The following ZNF787 variants were observed in gnomAD, a reference collection of about 807,000 sequenced individuals.
The protein encoded by ZNF787 is TTF-I-interacting peptide 20.
A neutral mutation model predicts 16.9 loss-of-function variants in ZNF787; 7 were observed. The observed-to-expected ratio is 0.42, with a 90% confidence interval of 0.24 to 0.78. The LOEUF is 0.78. ZNF787 is among the 30% of genes least tolerant of loss of function. The probability of loss-of-function intolerance (pLI) is 0.30; values close to 1 mark genes in which losing one functional copy is unlikely to be tolerated. For missense variants in ZNF787, 551 were observed against 589.3 expected, an observed-to-expected ratio of 0.94 and a Z score of 0.67; for synonymous variants, 345 against 270.9, an observed-to-expected ratio of 1.27 and a Z score of -2.69.
chr19:56,110,089 C>T (rs181618817), intron 1 of ZNF787, among the ~76,000 whole-genome samples: 2 of 152,166 alleles, frequency 1.3e-5, no homozygotes, highest in Non-Finnish European at 2.9e-5. Context: ...TGGCCGGGCA[C>T]GGTGGCTCAC....
rs1299608786 is a variant in ZNF787, at chr19:56,087,604, C to CCTGGTT, written c.*413_*418dup. 1.3e-5 allele frequency: 2 copies of CCTGGTT among 159,768 alleles called. No individual in the cohort carries two copies. The highest frequency in any genetic ancestry group is 2.7e-5 in the Non-Finnish European group (2 of 73,402). 9.9% of individuals were successfully genotyped at this position (159,768 alleles called of 1,614,324 possible). A position where few individuals can be genotyped will look rare whatever the true frequency, so the allele number is the denominator to read the frequency against. On this transcript the variant is annotated 3_prime_UTR_variant, in exon 3 of 3. Coordinates refer to ENST00000610935, the MANE Select transcript of ZNF787 (RefSeq NM_001002836.4). ...GAAAATTCTAAAAGAGAAAAGGGCC[C>CCTGGTT]CTGGTTCTCTTCCCTCTCTGGGATC...
chr19:56,091,947 C>CGAAACCG (rs57458138), intron 2 of ZNF787, among the ~76,000 whole-genome samples: 99,359 of 148,968 alleles, frequency 0.67, 37,266 homozygotes, highest in South Asian at 0.87. Context: ...AAGCCAAAGC[C>CGAAACCG]AAAGCCGAAA....
chr19:56,113,343 A>G (rs578990), intron 1 of ZNF787, among the ~76,000 whole-genome samples: 138,493 of 152,224 alleles, frequency 0.91, 63,724 homozygotes, highest in Non-Finnish European at 0.99. Flanking sequence ...CAGAACTCCC[A>G]TAAGAACCCG....
intron 2 of ZNF787, among the ~76,000 whole-genome samples, chr19:56,093,299 T>C (rs992307991): frequency 4.6e-5 from 7 of 151,492 alleles, no homozygotes; most frequent in South Asian, 2.1e-4. Flanking sequence ...GGATATTCCA[T>C]AGACACAGGG....
rs563388399 is a variant in ZNF787, at chr19:56,089,341, A to G, written c.80-249T>C. On this transcript the variant is annotated intron_variant, in intron 2 of 2. Transcript: ENST00000610935. Reference sequence around the variant, plus strand: ...ACCTCTAGAACAATGCCCCAGACACAGAAGGCCTGGTCTGTAAACAACCAG... The same window carrying G: ...ACCTCTAGAACAATGCCCCAGACACGGAAGGCCTGGTCTGTAAACAACCAG... Among the ~76,000 whole-genome samples the G allele has an allele frequency of 3.9e-5, 6 of 152,272 alleles. No individual in the cohort carries two copies. In the East Asian group the frequency reaches 1.2e-3, roughly 29 times the overall value.
At chr19:56,108,294 GAACTCC>G in intron 1 of ZNF787, among the ~76,000 whole-genome samples, 1 of 102,888 alleles carries the variant, frequency 9.7e-6, no homozygotes, top group African/African-American at 4.0e-5. Flanking sequence ...CCCCTGCCCA[GAACTCC>G]CAGCTCCCAC....
intron 2 of ZNF787, among the ~76,000 whole-genome samples, chr19:56,093,220 G>A (rs115316694): frequency 0.016 from 2,492 of 151,112 alleles, 66 homozygotes; most frequent in African/African-American, 0.057. Flanking sequence ...TGGCAGAAGT[G>A]GGATATTCCA....
intron 1 of ZNF787, among the ~76,000 whole-genome samples, chr19:56,113,898 C>T (rs965643377): frequency 2.6e-5 from 4 of 152,158 alleles, no homozygotes; most frequent in Admixed American, 6.5e-5. Flanking sequence ...CGCACCATCT[C>T]GGCTCACTGC....
intron 1 of ZNF787, among the ~76,000 whole-genome samples, chr19:56,106,136 G>A (rs923089212): frequency 6.6e-6 from 1 of 151,210 alleles, no homozygotes; most frequent in African/African-American, 2.4e-5. Context: ...CCCCCGCCGC[G>A]CCCTGCAGCC....
chr19:56,091,379 A>T (rs1985567957), intron 2 of ZNF787, among the ~76,000 whole-genome samples: 1 of 152,224 alleles, frequency 6.6e-6, no homozygotes, highest in African/African-American at 2.4e-5. Flanking sequence ...TCTGAACACA[A>T]AACTTGTGAC....
rs1168354085 is a variant in ZNF787, at chr19:56,088,015, C to G, written c.*8G>C. 9 of 1,204,318 alleles carry G rather than the reference C, an allele frequency of 7.5e-6. No homozygotes were observed. The highest frequency in any genetic ancestry group is 7.6e-5 in the East Asian group (2 of 26,382). The allele number at this position is 1,204,318 out of a possible 1,614,324, so 74.6% of individuals were successfully genotyped here. On this transcript the variant is annotated 3_prime_UTR_variant, in exon 3 of 3. Coordinates refer to ENST00000610935, the MANE Select transcript of ZNF787 (RefSeq NM_001002836.4). This position sits in a 1 kb window ranked among gnomAD's most constrained non-coding sequence, Gnocchi z 8.6. ...GGCCCTGCCCGCCCCCCCCCCCGGGCCCCTCCCCTACCGGCCCTCCCCACC... is the reference window on the plus strand; with the variant it reads ...GGCCCTGCCCGCCCCCCCCCCCGGGGCCCTCCCCTACCGGCCCTCCCCACC...
chr19:56,120,829 G>A (rs1488039704), intron 1 of ZNF787, among the ~76,000 whole-genome samples: 5 of 143,704 alleles, frequency 3.5e-5, no homozygotes, highest in Admixed American at 6.9e-5. Flanking sequence ...GCCCGCAGCA[G>A]AGGGACCCCC....
At chr19:56,101,257 C>T (rs1388750027) in intron 2 of ZNF787, among the ~76,000 whole-genome samples, 4 of 152,282 alleles carry the variant, frequency 2.6e-5, no homozygotes, top group African/African-American at 7.2e-5. Context: ...ACGGGAGTTA[C>T]GCGAACGCCG....
chr19:56,107,488 CGGGAGACACGGGGTCACT>C (rs59423271), intron 1 of ZNF787, among the ~76,000 whole-genome samples: 9,301 of 151,578 alleles, frequency 0.061, 621 homozygotes, highest in African/African-American at 0.17. Flanking sequence ...ACGGGGTCAC[CGGGAGACACGGGGTCACT>C]GTGAGACAAT....
intron 1 of ZNF787, among the ~76,000 whole-genome samples, chr19:56,109,025 G>GA (rs2029904070): frequency 6.6e-6 from 1 of 152,122 alleles, no homozygotes; most frequent in African/African-American, 2.4e-5. Context: ...GAGGTGGGTG[G>GA]AGTCACCCCT....
intron 1 of ZNF787, among the ~76,000 whole-genome samples, chr19:56,104,780 G>A (rs983512190): frequency 6.6e-6 from 1 of 152,268 alleles, no homozygotes; most frequent in Non-Finnish European, 1.5e-5. Context: ...GGAGAGCAGA[G>A]CCTTTGCCAC....
chr19:56,087,519 A>C lies in ZNF787; in HGVS notation c.*504T>G, dbSNP rs1019131311. ...CTCGAGCTCTAAGGATGGGACCCGG[A>C]AGGCAGAAAAAAATAATGGATTGGG... On this transcript the variant is annotated 3_prime_UTR_variant, in exon 3 of 3. Transcript: ENST00000610935. 8 of 152,260 alleles carry C rather than the reference A, an allele frequency of 5.3e-5. No homozygotes were observed. The highest frequency in any genetic ancestry group is 2.0e-4 in the Admixed American group (3 of 15,282). 9.4% of individuals were successfully genotyped at this position (152,260 alleles called of 1,614,324 possible). A position where few individuals can be genotyped will look rare whatever the true frequency, so the allele number is the denominator to read the frequency against.
intron 1 of ZNF787, among the ~76,000 whole-genome samples, chr19:56,112,041 G>A (rs1265617241): frequency 6.6e-6 from 1 of 152,132 alleles, no homozygotes; most frequent in Non-Finnish European, 1.5e-5. Context: ...GCTGAAGCCT[G>A]TGTCCTAATC....
chr19:56,103,189 G>A lies in ZNF787; in HGVS notation c.29C>T (p.Pro10Leu), dbSNP rs1368783177. 4.4e-6 allele frequency: 7 copies of A among 1,574,260 alleles called. No individual in the cohort carries two copies. The highest frequency in any genetic ancestry group is 1.2e-5 in the South Asian group (1 of 84,892). ...CTGGTCCTCAGAATCCAGCGGCCCC[G>A]GAGACCAGGCTTCTTCCCGCAGCTC... MELREEAWS[P>L]GPLDSEDQQM... Residue 10 changes from proline to leucine, a missense_variant, in exon 2 of 3, where the codon CCG becomes CTG. By Grantham distance (98) the Pro-to-Leu change is moderately conservative (BLOSUM62 -3). Coordinates refer to ENST00000610935, the MANE Select transcript of ZNF787 (RefSeq NM_001002836.4).
Sources: allele counts gnomAD v4.1 joint callset (sites outside exome capture counted in the v4.1 genomes callset), GRCh38; gene constraint gnomAD v4.1.1; non-coding constraint Gnocchi (gnomAD v3.1); transcripts MANE v1.5; gene names NCBI Gene and HGNC (gene_info 2026-07-23, HGNC 2026-07-21).